Variants in PDE4D observed in about 807,000 individuals in gnomAD.
The protein encoded by PDE4D is 3',5'-cyclic-AMP phosphodiesterase 4D.
A neutral mutation model predicts 87.4 loss-of-function variants in PDE4D; 24 were observed. The observed-to-expected ratio is 0.27, with a 90% CI of 0.20 to 0.39. The LOEUF (loss-of-function observed/expected upper bound fraction) is 0.39, where lower values mean the gene tolerates loss of function less well. Among genes scored for constraint, PDE4D ranks in the 10% least tolerant of loss-of-function variants. PDE4D has a pLI of 1.00. For synonymous variants in PDE4D, 384 were observed against 383.2 expected (o/e 1.00, Z -0.02); for missense variants, 714 against 1,041.0 (o/e 0.69, Z 4.32).
intron 1 of PDE4D, among the ~76,000 whole-genome samples, chr5:59,546,614 T>A (rs1817307878): frequency 6.6e-6 from 1 of 152,072 alleles, no homozygotes; most frequent in African/African-American, 2.4e-5. Flanking sequence ...GAAAAAAAAT[T>A]CCTAAGAAAG....
intron 1 of PDE4D, among the ~76,000 whole-genome samples, chr5:59,832,287 C>T (rs1741363444): frequency 6.6e-6 from 1 of 152,056 alleles, no homozygotes. Context: ...TCTGCCAGAC[C>T]TCTAATTCAC....
chr5:60,242,257 G>T (rs1355371119), intron 1 of PDE4D, among the ~76,000 whole-genome samples: 1 of 152,048 alleles, frequency 6.6e-6, no homozygotes, highest in African/African-American at 2.4e-5. Flanking sequence ...ATGATAAAAG[G>T]TTCAATTCAG....
chr5:60,167,703 T>C (rs1295014972), intron 2 of PDE4D, among the ~76,000 whole-genome samples: 2 of 152,216 alleles, frequency 1.3e-5, no homozygotes, highest in Non-Finnish European at 1.5e-5. Flanking sequence ...TGTGGGTCAC[T>C]TAATGTTCTC....
intron 1 of PDE4D, among the ~76,000 whole-genome samples, chr5:59,714,826 G>A (rs550328024): frequency 8.5e-5 from 13 of 152,332 alleles, no homozygotes; most frequent in African/African-American, 2.9e-4. Context: ...TGCTCCTCTT[G>A]CCTAGAATTA....
At chr5:60,132,859 GAA>G (rs1011044022) in intron 2 of PDE4D, among the ~76,000 whole-genome samples, 1 of 149,066 alleles carries the variant, frequency 6.7e-6, no homozygotes, top group East Asian at 2.0e-4. Context: ...TATACCTCGA[GAA>G]AAAAAAAATT....
intron 5 of PDE4D, among the ~76,000 whole-genome samples, chr5:59,175,915 C>G (rs1217222826): frequency 1.3e-5 from 2 of 151,512 alleles, no homozygotes; most frequent in African/African-American, 4.9e-5. Flanking sequence ...TAGGGGTGTG[C>G]CACCATGCCC....
At chr5:59,379,701 C>T (rs954306571) in intron 1 of PDE4D, among the ~76,000 whole-genome samples, 2 of 151,706 alleles carry the variant, frequency 1.3e-5, no homozygotes, top group African/African-American at 4.8e-5. Flanking sequence ...ATAGAATATA[C>T]CTAGGTTCTC....
chr5:59,613,599 A>G (rs1490438704), intron 1 of PDE4D, among the ~76,000 whole-genome samples: 1 of 152,182 alleles, frequency 6.6e-6, no homozygotes, highest in Non-Finnish European at 1.5e-5. Flanking sequence ...AGAGTCCTCA[A>G]GGGAAAAGGG....
chr5:59,157,964 A>C (rs1021738215), intron 5 of PDE4D, among the ~76,000 whole-genome samples: 1 of 152,208 alleles, frequency 6.6e-6, no homozygotes, highest in Admixed American at 6.5e-5. Flanking sequence ...AACTGAGAGA[A>C]GGAAAGGGTA....
chr5:60,077,603 C>T (rs563007368), intron 2 of PDE4D, among the ~76,000 whole-genome samples: 27 of 152,252 alleles, frequency 1.8e-4, no homozygotes, highest in African/African-American at 6.3e-4. Flanking sequence ...TGGGCAGGAC[C>T]TCCCTGCAGA....
intron 5 of PDE4D, among the ~76,000 whole-genome samples, chr5:59,043,096 C>G (rs1759963939): frequency 6.6e-6 from 1 of 152,166 alleles, no homozygotes; most frequent in Admixed American, 6.5e-5. Flanking sequence ...ACTTGAAGGT[C>G]TGCTAAAGGA....
chr5:59,686,524 A>G (rs1749891531), intron 1 of PDE4D, among the ~76,000 whole-genome samples: 1 of 152,208 alleles, frequency 6.6e-6, no homozygotes, highest in African/African-American at 2.4e-5. Context: ...ACTTTGTTAA[A>G]TAATACATTT....
intron 1 of PDE4D, among the ~76,000 whole-genome samples, chr5:59,342,923 C>G (rs540964183): frequency 6.6e-6 from 1 of 151,300 alleles, no homozygotes; most frequent in East Asian, 1.9e-4. Context: ...AACTCACATA[C>G]TTTTTTGTGG....
At chr5:59,893,931 T>A, upstream of PDE4D, 1 of 583,060 alleles carries the variant, frequency 1.7e-6, no homozygotes, top group African/African-American at 2.0e-5. Flanking sequence ...TTGGTCCTTC[T>A]TCCTCCCTTT....
At position 59,215,962 on chromosome 5, in the gene PDE4D, A is replaced by G; in HGVS notation, c.462T>C (p.Asp154=). The change falls in exon 2 of 15, where the codon GAT becomes GAC. Residue 154 remains aspartate, a synonymous_variant. Transcript: ENST00000340635. ...PSSFQGLRRF[D]VDNGTSAGRS... Reference sequence around the variant, plus strand: ...GTCCCGCAGATGTGCCATTGTCCACATCAAAACTGTAAAGGAAGGAGAAGG... The same window carrying G: ...GTCCCGCAGATGTGCCATTGTCCACGTCAAAACTGTAAAGGAAGGAGAAGG... The G allele has an allele frequency of 6.2e-7, 1 of 1,608,818 alleles. No homozygotes were observed. The highest frequency in any genetic ancestry group is 2.2e-5 in the East Asian group (1 of 44,770).
chr5:60,019,872 T>C (rs1765868854), intron 2 of PDE4D, among the ~76,000 whole-genome samples: 1 of 152,204 alleles, frequency 6.6e-6, no homozygotes, highest in Non-Finnish European at 1.5e-5. Flanking sequence ...GCTTCAAGAA[T>C]TCAGAACTTC....
chr5:59,149,703 C>T (rs193296314), intron 5 of PDE4D, among the ~76,000 whole-genome samples: 2,338 of 80,930 alleles, frequency 0.029, 50 homozygotes, highest in South Asian at 0.051. Flanking sequence ...CCTCTCTCCT[C>T]GAGTTTTTTT....
chr5:59,863,923 A>G (rs1052762682), intron 1 of PDE4D, among the ~76,000 whole-genome samples: 2 of 152,140 alleles, frequency 1.3e-5, no homozygotes, highest in Non-Finnish European at 2.9e-5. Flanking sequence ...GAAAGGGACG[A>G]TGCAGCTTCA....
At chr5:60,174,988 A>AT (rs1783789343) in intron 2 of PDE4D, among the ~76,000 whole-genome samples, 1 of 151,712 alleles carries the variant, frequency 6.6e-6, no homozygotes, top group African/African-American at 2.4e-5. Flanking sequence ...TTTTTCAGCG[A>AT]TTTTTTTCTT....
Sources: gnomAD v4.1 joint callset for allele counts (sites outside exome capture counted in the v4.1 genomes callset) on GRCh38, gnomAD v4.1.1 for gene constraint, MANE v1.5 for transcripts, NCBI Gene and HGNC (gene_info 2026-07-23, HGNC 2026-07-21) for gene names.